GRM8: variants seen among roughly 807,000 people sequenced by gnomAD.
GRM8 encodes metabotropic glutamate receptor 8.
A neutral mutation model predicts 87.2 loss-of-function variants in GRM8; 47 were observed. The ratio of observed to expected loss-of-function variants is 0.54; its 90% CI spans 0.43 to 0.69. The LOEUF is 0.69. Among genes scored for constraint, GRM8 ranks in the 30% least tolerant of loss-of-function variants. The probability of loss-of-function intolerance (pLI) is 0.00; values close to 1 mark genes in which losing one functional copy is unlikely to be tolerated. For missense variants in GRM8, 1,019 were observed against 1,139.2 expected (o/e 0.89, Z 1.52); for synonymous variants, 396 against 404.5 (o/e 0.98, Z 0.25).
intron 8 of GRM8, among the ~76,000 whole-genome samples, chr7:126,562,033 T>G (rs1361605093): frequency 6.6e-6 from 1 of 152,164 alleles, no homozygotes; most frequent in Non-Finnish European, 1.5e-5. Context: ...CATTTTCTTT[T>G]AAGATTAATA....
chr7:127,110,281 T>A (rs1216747525), intron 2 of GRM8, among the ~76,000 whole-genome samples: 1 of 152,158 alleles, frequency 6.6e-6, no homozygotes, highest in Admixed American at 6.5e-5. Flanking sequence ...CACTCCCCTA[T>A]GACAAGTCTC....
At chr7:126,658,400 C>T (rs1346185237) in intron 7 of GRM8, among the ~76,000 whole-genome samples, 1 of 152,092 alleles carries the variant, frequency 6.6e-6, no homozygotes, top group East Asian at 1.9e-4. Context: ...AAGAACAGAA[C>T]TAGTGATTGG....
chr7:127,104,878 A>T (rs1825668263), intron 3 of GRM8, among the ~76,000 whole-genome samples: 1 of 152,194 alleles, frequency 6.6e-6, no homozygotes, highest in African/African-American at 2.4e-5. Context: ...GTTTCACTTA[A>T]CTTTTAGAAC....
chr7:127,007,540 C>T (rs1814440164), intron 3 of GRM8, among the ~76,000 whole-genome samples: 1 of 152,000 alleles, frequency 6.6e-6, no homozygotes, highest in South Asian at 2.1e-4. Context: ...TGTTTTATCA[C>T]TAGTGGATTG....
intron 8 of GRM8, among the ~76,000 whole-genome samples, chr7:126,575,650 T>C (rs1055198523): frequency 2.6e-5 from 4 of 152,054 alleles, no homozygotes; most frequent in Non-Finnish European, 5.9e-5. Flanking sequence ...ACCAACATAA[T>C]TGAATAATCA....
At chr7:126,476,851 TAA>T (rs60074943) in intron 9 of GRM8, among the ~76,000 whole-genome samples, 170 of 147,638 alleles carry the variant, frequency 1.2e-3, no homozygotes, top group Middle Eastern at 0.011. Context: ...CTCAAAAAAA[TAA>T]AAAAAAAACT....
chr7:126,825,192 G>T (rs1794648069), intron 6 of GRM8, among the ~76,000 whole-genome samples: 1 of 152,002 alleles, frequency 6.6e-6, no homozygotes, highest in Non-Finnish European at 1.5e-5. Flanking sequence ...CCAGCCTCCT[G>T]AGTAGCTGGG....
intron 6 of GRM8, among the ~76,000 whole-genome samples, chr7:126,779,360 C>G (rs2151634529): frequency 6.6e-6 from 1 of 151,992 alleles, no homozygotes; most frequent in African/African-American, 2.4e-5. Context: ...ATTTTCTGCC[C>G]TAGGCCATTT....
At chr7:126,448,167 G>C (rs1295140828) in intron 9 of GRM8, among the ~76,000 whole-genome samples, 1 of 151,838 alleles carries the variant, frequency 6.6e-6, no homozygotes, top group African/African-American at 2.4e-5. Flanking sequence ...ATGTGGCAAA[G>C]TACAAACCAC....
intron 2 of GRM8, among the ~76,000 whole-genome samples, chr7:127,162,272 G>A (rs1793163760): frequency 6.6e-6 from 1 of 152,112 alleles, no homozygotes; most frequent in Non-Finnish European, 1.5e-5. Flanking sequence ...CAAGCCTTTG[G>A]GGCAGCCCCT....
chr7:126,733,560 A>G (rs993272466), intron 7 of GRM8, among the ~76,000 whole-genome samples: 2 of 151,386 alleles, frequency 1.3e-5, no homozygotes, highest in African/African-American at 4.8e-5. Context: ...GTAAAATTAA[A>G]TCTAATATTA....
chr7:126,753,431 T>TAC (rs1816658325), intron 7 of GRM8, among the ~76,000 whole-genome samples: 2 of 151,612 alleles, frequency 1.3e-5, no homozygotes, highest in Non-Finnish European at 2.9e-5. Flanking sequence ...TACGTATATA[T>TAC]ACACACACAT....
At chr7:126,954,550 C>A (rs558476338) in intron 3 of GRM8, among the ~76,000 whole-genome samples, 46 of 152,180 alleles carry the variant, frequency 3.0e-4, no homozygotes, top group Non-Finnish European at 5.9e-4. Flanking sequence ...TATTTCCCTT[C>A]CCCCTTATGA....
chr7:126,978,344 C>T (rs1811212057), intron 3 of GRM8, among the ~76,000 whole-genome samples: 1 of 152,148 alleles, frequency 6.6e-6, no homozygotes, highest in Admixed American at 6.6e-5. Context: ...AAACTGAGCA[C>T]ATTCAAGCAT....
At chr7:127,038,906 T>A (rs377664275) in intron 3 of GRM8, among the ~76,000 whole-genome samples, 1 of 152,258 alleles carries the variant, frequency 6.6e-6, no homozygotes, top group South Asian at 2.1e-4. Flanking sequence ...TTATAACATA[T>A]AAAGTGAAAT....
At chr7:126,952,368 G>A (rs73228957) in intron 3 of GRM8, among the ~76,000 whole-genome samples, 3,544 of 152,050 alleles carry the variant, frequency 0.023, 55 homozygotes, top group Non-Finnish European at 0.036. Context: ...AATACATGTT[G>A]AAAGAAAGAA....
intron 3 of GRM8, among the ~76,000 whole-genome samples, chr7:126,969,786 T>TACAGGTATC (rs1204749129): frequency 6.6e-6 from 1 of 152,188 alleles, no homozygotes; most frequent in Non-Finnish European, 1.5e-5. Flanking sequence ...CCCGGATACA[T>TACAGGTATC]ACAGGTATCG....
At chr7:127,004,107 T>C (rs1410319304) in intron 3 of GRM8, among the ~76,000 whole-genome samples, 3 of 151,698 alleles carry the variant, frequency 2.0e-5, no homozygotes, top group African/African-American at 7.2e-5. Flanking sequence ...TAGTTGCAAT[T>C]ATGATCAGAT....
At chr7:126,490,273 C>T (rs1289412463) in intron 9 of GRM8, among the ~76,000 whole-genome samples, 1 of 152,034 alleles carries the variant, frequency 6.6e-6, no homozygotes, top group Non-Finnish European at 1.5e-5. Context: ...AATATGACCA[C>T]CTCTTCATTT....
Sources: gnomAD v4.1 joint callset for allele counts (sites outside exome capture counted in the v4.1 genomes callset) on GRCh38, gnomAD v4.1.1 for gene constraint, MANE v1.5 for transcripts, NCBI Gene and HGNC (gene_info 2026-07-23, HGNC 2026-07-21) for gene names.